PRUNE2: variants seen among roughly 807,000 people sequenced by gnomAD.
PRUNE2 encodes the protein prune homolog 2 with BCH domain.
A neutral mutation model predicts 252.0 loss-of-function variants in PRUNE2; 164 were observed. The observed-to-expected ratio is 0.65, with a 90% confidence interval of 0.57 to 0.74. The LOEUF (loss-of-function observed/expected upper bound fraction) is 0.74. Among genes scored for constraint, PRUNE2 ranks in the 30% least tolerant of loss-of-function variants. PRUNE2 has a pLI of 0.00. For missense variants in PRUNE2, 3,495 were observed against 3,711.0 expected, an observed-to-expected ratio of 0.94 and a Z score of 1.51; for synonymous variants, 1,292 against 1,350.2, an observed-to-expected ratio of 0.96 and a Z score of 0.94.
At chr9:76,867,394 T>G (rs1280925708) in intron 1 of PRUNE2, among the ~76,000 whole-genome samples, 2 of 151,938 alleles carry the variant, frequency 1.3e-5, no homozygotes, top group Non-Finnish European at 2.9e-5. Context: ...TCAAACACCA[T>G]CTCCTGTGAT....
Position 76,638,284 on chromosome 9 carries a change from GTA to G in PRUNE2, c.8731_8732del (p.Tyr2911LeufsTer45). On this transcript the variant is annotated frameshift_variant and splice_region_variant, in exon 13 of 19. Transcript: ENST00000376718. LOFTEE classifies it high-confidence loss of function. The stretch of plus-strand genomic sequence containing the variant: ...TGATGGCATTTAGACCGTCCCCATA[GTA>G]TCCTGGGGGACAAACAAAAAGACAC... ...PYRRVISHGG[Y>X]YGDGLNAIIV... 6.2e-7 allele frequency: 1 copy of G among 1,610,514 alleles called. No individual in the cohort carries two copies.
At chr9:76,841,228 C>A (rs2059377327) in intron 4 of PRUNE2, among the ~76,000 whole-genome samples, 1 of 152,146 alleles carries the variant, frequency 6.6e-6, no homozygotes, top group South Asian at 2.1e-4. Context: ...GGAACTCCCT[C>A]CCCTAGCCAA....
intron 9 of PRUNE2, among the ~76,000 whole-genome samples, chr9:76,669,014 C>G (rs1393063571): frequency 2.6e-5 from 4 of 151,544 alleles, no homozygotes; most frequent in Admixed American, 1.3e-4. Flanking sequence ...ATGTCCTAAT[C>G]TCTTTTCCTC....
chr9:76,879,970 G>A (rs1239949270), intron 1 of PRUNE2, among the ~76,000 whole-genome samples: 2 of 130,188 alleles, frequency 1.5e-5, no homozygotes, highest in Admixed American at 9.0e-5. Flanking sequence ...CTGGAGTGCA[G>A]TGGTGCAATC....
chr9:76,721,611 T>C (rs1347660498), intron 6 of PRUNE2, among the ~76,000 whole-genome samples: 5 of 152,162 alleles, frequency 3.3e-5, no homozygotes, highest in African/African-American at 9.7e-5. Flanking sequence ...TTACCAAGAT[T>C]AAAACACCAG....
At chr9:76,855,260 T>C (rs2060193517) in intron 1 of PRUNE2, among the ~76,000 whole-genome samples, 3 of 151,912 alleles carry the variant, frequency 2.0e-5, no homozygotes, top group Admixed American at 2.0e-4. Context: ...ATACAGATAA[T>C]TGTCATATAA....
intron 6 of PRUNE2, among the ~76,000 whole-genome samples, chr9:76,775,496 T>C (rs746349906): frequency 1.3e-5 from 2 of 152,018 alleles, no homozygotes; most frequent in African/African-American, 2.4e-5. Context: ...AGATGGGATC[T>C]CGCTATGCTG....
chr9:76,614,472 A>C lies in PRUNE2; in HGVS notation c.*98T>G, dbSNP rs1828462296. 1.0e-6 allele frequency: 1 copy of C among 985,254 alleles called. No homozygotes were observed. Among genetic ancestry groups the C allele is most frequent in the Non-Finnish European group, 1.6e-6 (1 of 625,400 alleles). The allele number at this position is 985,254 out of a possible 1,614,324, so 61.0% of individuals were successfully genotyped here. A position where few individuals can be genotyped will look rare whatever the true frequency, so the allele number is the denominator to read the frequency against. On this transcript the variant is annotated 3_prime_UTR_variant, in exon 19 of 19. Coordinates refer to ENST00000376718, the MANE Select transcript of PRUNE2 (RefSeq NM_015225.3). ...ATTTAGAATGGCACCAGGTAGTGCAAAGTGGAAAAAGGTAACATCAGCCCT... is the reference window on the plus strand; with the variant it reads ...ATTTAGAATGGCACCAGGTAGTGCACAGTGGAAAAAGGTAACATCAGCCCT...
intron 6 of PRUNE2, among the ~76,000 whole-genome samples, chr9:76,809,834 G>A (rs971648005): frequency 2.6e-5 from 4 of 152,180 alleles, no homozygotes; most frequent in Admixed American, 6.5e-5. Context: ...AAATGACCAC[G>A]TTAATGGGTG....
At chr9:76,756,425 T>A (rs2051154724) in intron 6 of PRUNE2, among the ~76,000 whole-genome samples, 2 of 152,366 alleles carry the variant, frequency 1.3e-5, no homozygotes, top group South Asian at 4.1e-4. Context: ...GCTGCCTGTA[T>A]GGCTCACTGG....
At position 76,705,614 on chromosome 9, in the gene PRUNE2, T is replaced by A. The variant is rs879015243; in HGVS notation, c.6660A>T (p.Pro2220=). Residue 2220 remains proline (P), a synonymous_variant, in exon 8 of 19, where the codon CCA becomes CCT. Transcript: ENST00000376718. ...CAATCCTTGGGATTCTTCTGTCAAC[T>A]GGTTCCAAAATTGGTGCCATATCTG... ...ASPDMAPILE[P]VDRRIPRIEN... is the part of the protein sequence containing the mutation. 3.1e-6 allele frequency: 5 copies of A among 1,613,944 alleles called. No individual in the cohort carries two copies. In the Admixed American group the frequency reaches 8.3e-5, roughly 27 times the overall value.
chr9:76,724,060 G>T (rs2047883447), intron 6 of PRUNE2, among the ~76,000 whole-genome samples: 1 of 151,058 alleles, frequency 6.6e-6, no homozygotes, highest in African/African-American at 2.4e-5. Flanking sequence ...CTCCCAAAGT[G>T]CTGGGATTAC....
At chr9:76,785,733 C>CTGTGTGTGTG (rs10681024) in intron 6 of PRUNE2, 4 of 149,534 alleles carry the variant, frequency 2.7e-5, no homozygotes, top group African/African-American at 9.8e-5. Context: ...GTTAAGAGCT[C>CTGTGTGTGTG]TGTGTGTGTG....
intron 9 of PRUNE2, among the ~76,000 whole-genome samples, chr9:76,673,067 A>T (rs2041833176): frequency 6.6e-6 from 1 of 152,022 alleles, no homozygotes; most frequent in Non-Finnish European, 1.5e-5. Flanking sequence ...GCAGAACTGA[A>T]GGAAATAGAG....
rs377620126 is a variant in PRUNE2 at position 76,709,036 on chromosome 9, C to T, written c.3238G>A (p.Asp1080Asn). Residue 1080 changes from aspartate (D) to asparagine (N), a missense_variant, in exon 8 of 19, where the codon GAC becomes AAC. Physicochemically the swap from Asp to Asn is conservative, Grantham distance 23 (BLOSUM62 1). Coordinates refer to ENST00000376718, the MANE Select transcript of PRUNE2 (RefSeq NM_015225.3). ...DVGESSQSSYDDPSMMQLYNE... is the reference protein window; with the variant it reads ...DVGESSQSSYNDPSMMQLYNE... ...TACAGTTGCATCATGCTGGGGTCGTCGTAACTGGACTGGCTGCTTTCCCCG... is the reference window on the plus strand; with the variant it reads ...TACAGTTGCATCATGCTGGGGTCGTTGTAACTGGACTGGCTGCTTTCCCCG... 5.0e-6 allele frequency: 8 copies of T among 1,613,936 alleles called. No homozygotes were observed. Among genetic ancestry groups the T allele is most frequent in the Non-Finnish European group, 6.8e-6 (8 of 1,179,896 alleles).
rs1201259984 is a variant in PRUNE2, at chr9:76,854,211, G to A, written c.37-3C>T. ...TTCTCCAAGCGTTTGCTTCGATTCT[G>A]AAACAAATTCAAAGGAAACATCACA... On this transcript the variant is annotated splice_region_variant and splice_polypyrimidine_tract_variant and intron_variant, in intron 1 of 18. Coordinates refer to ENST00000376718, the MANE Select transcript of PRUNE2 (RefSeq NM_015225.3). 7 of 1,545,576 alleles carry A rather than the reference G, an allele frequency of 4.5e-6. No homozygotes were observed. In the South Asian group the frequency reaches 8.4e-5, roughly 19 times the overall value.
rs565428261 is a variant in PRUNE2, at chr9:76,655,894, A to G, written c.8277-392T>C. On this transcript the variant is annotated intron_variant, in intron 9 of 18. Coordinates refer to ENST00000376718, the MANE Select transcript of PRUNE2 (RefSeq NM_015225.3). ...TTACTCTGTAAATTTGAGTATTTTA[A>G]TTAAATTCCCATGGACAGAGGGAGA... 5.9e-5 allele frequency among the ~76,000 whole-genome samples: 9 copies of G among 152,306 alleles called. No homozygotes were observed. In the South Asian group the frequency reaches 1.0e-3, roughly 18 times the overall value.
intron 12 of PRUNE2, chr9:76,641,948 C>A: frequency 6.6e-7 from 1 of 1,523,974 alleles, no homozygotes; most frequent in Non-Finnish European, 8.8e-7. Context: ...GTCATTTGTC[C>A]AGCAAGACTT....
At chr9:76,798,783 AGAG>A (rs1055415596) in intron 6 of PRUNE2, among the ~76,000 whole-genome samples, 8 of 152,170 alleles carry the variant, frequency 5.3e-5, no homozygotes, top group Admixed American at 1.3e-4. Context: ...TGCAGATCTA[AGAG>A]GAGAAGGGTC....
Sources: allele counts gnomAD v4.1 joint callset (sites outside exome capture counted in the v4.1 genomes callset), GRCh38; gene constraint gnomAD v4.1.1; transcripts MANE v1.5; gene names NCBI Gene and HGNC (gene_info 2026-07-23, HGNC 2026-07-21).